Variants in ADAMTS9 observed in about 807,000 individuals in gnomAD.
The protein encoded by ADAMTS9 is ADAM metallopeptidase with thrombospondin type 1 motif 9, also known as A disintegrin and metalloproteinase with thrombospondin motifs 9.
Under a neutral mutation model 257.1 loss-of-function variants are expected in ADAMTS9, and 107 were observed. The ratio of observed to expected loss-of-function variants is 0.42; its 90% CI spans 0.36 to 0.49. The LOEUF is 0.49. ADAMTS9 is among the 20% of genes least tolerant of loss of function. The pLI, the probability that ADAMTS9 is intolerant of heterozygous loss-of-function variation, is 0.03. For missense variants in ADAMTS9, 2,353 were observed against 2,469.1 expected, an observed-to-expected ratio of 0.95 and a Z score of 1.00; for synonymous variants, 982 against 880.9, an observed-to-expected ratio of 1.11 and a Z score of -2.03.
In ADAMTS9 at chr3:64,687,757, A is replaced by G. The variant is rs2106639865; in HGVS notation, c.-100T>C. Reference sequence around the variant, plus strand: ...GGCAGCGGCCGTGGAGAGCGCGCGGAGCCCGGCGCCCGCCGCCAACTTTTG... The same window carrying G: ...GGCAGCGGCCGTGGAGAGCGCGCGGGGCCCGGCGCCCGCCGCCAACTTTTG... On this transcript the variant is annotated 5_prime_UTR_variant, in exon 1 of 40. Transcript: ENST00000498707. This position sits in a 1 kb window ranked among gnomAD's most constrained non-coding sequence, Gnocchi z 4.4. 1 of 935,998 alleles carries G rather than the reference A, an allele frequency of 1.1e-6. No homozygotes were observed. The highest frequency in any genetic ancestry group is 2.3e-5 in the South Asian group (1 of 43,788). The allele number at this position is 935,998 out of a possible 1,614,324, so 58.0% of individuals were successfully genotyped here.
chr3:64,659,971 A>G (rs996165074), intron 3 of ADAMTS9, among the ~76,000 whole-genome samples: 2 of 152,210 alleles, frequency 1.3e-5, no homozygotes, highest in African/African-American at 4.8e-5. Context: ...AAATTTTGAG[A>G]ATCACTAGTT....
intron 3 of ADAMTS9, among the ~76,000 whole-genome samples, chr3:64,680,817 A>T (rs557572361): frequency 6.6e-5 from 10 of 152,270 alleles, no homozygotes; most frequent in African/African-American, 1.7e-4. Context: ...CACCCAAATG[A>T]ACAGAAGATG....
At chr3:64,550,515 G>T in intron 31 of ADAMTS9, 1 of 188,946 alleles carries the variant, frequency 5.3e-6, no homozygotes, top group Non-Finnish European at 1.1e-5. Context: ...GTTTGTCACA[G>T]TTGCCATCTC....
chr3:64,629,513 CT>C (rs1461974459), intron 16 of ADAMTS9, among the ~76,000 whole-genome samples: 3 of 152,212 alleles, frequency 2.0e-5, no homozygotes, highest in Non-Finnish European at 2.9e-5. Context: ...CTGGAATGCT[CT>C]TCCCCTAAAT....
intron 23 of ADAMTS9, among the ~76,000 whole-genome samples, chr3:64,605,350 G>A (rs2084537858): frequency 6.6e-6 from 1 of 152,136 alleles, no homozygotes; most frequent in Admixed American, 6.5e-5. Flanking sequence ...ACATTTTCCA[G>A]GCATTCATCA....
chr3:64,642,974 G>A (rs1700692571), intron 11 of ADAMTS9, among the ~76,000 whole-genome samples: 1 of 152,284 alleles, frequency 6.6e-6, no homozygotes, highest in African/African-American at 2.4e-5. Flanking sequence ...CCCCACACAA[G>A]GCTTGGTAAA....
At chr3:64,684,085 G>A (rs139525398) in intron 2 of ADAMTS9, among the ~76,000 whole-genome samples, 1 of 152,258 alleles carries the variant, frequency 6.6e-6, no homozygotes, top group African/African-American at 2.4e-5. Context: ...TTGAGGGTGG[G>A]GTGCAGAGAA....
At chr3:64,685,997 G>A (rs1043246867) in intron 2 of ADAMTS9, among the ~76,000 whole-genome samples, 2 of 152,220 alleles carry the variant, frequency 1.3e-5, no homozygotes, top group Non-Finnish European at 1.5e-5. Context: ...TCCTGGGACG[G>A]GACCTGCTCC....
Position 64,658,678 on chromosome 3 carries a change from C to A in ADAMTS9, c.793G>T (p.Ala265Ser), listed in dbSNP as rs987545441. 1.2e-6 allele frequency: 2 copies of A among 1,613,918 alleles called. No homozygotes were observed. The highest frequency in any genetic ancestry group is 1.7e-6 in the Non-Finnish European group (2 of 1,180,010). Residue 265 changes from alanine to serine, a missense_variant, in exon 4 of 40, where the codon GCA becomes TCA. By Grantham distance (99) the Ala-to-Ser change is moderately conservative. Transcript: ENST00000498707. Reference protein sequence around the residue: ...AALNSGLATEAFSAYGNKTDN... With the variant: ...AALNSGLATESFSAYGNKTDN... The stretch of plus-strand genomic sequence containing the variant: ...GTCTTATTACCATAAGCAGAAAATG[C>A]CTCTGTTGCTAAGCCGCTGTTTAAT...
intron 3 of ADAMTS9, among the ~76,000 whole-genome samples, chr3:64,666,710 G>C (rs2106999625): frequency 6.6e-6 from 1 of 152,332 alleles, no homozygotes; most frequent in Non-Finnish European, 1.5e-5. Flanking sequence ...TGCCCTTAAA[G>C]CAGGGCATGA....
chr3:64,686,480 G>A lies in ADAMTS9; in HGVS notation c.516+88C>T. On this transcript the variant is annotated intron_variant, in intron 2 of 39. Coordinates refer to ENST00000498707, the MANE Select transcript of ADAMTS9 (RefSeq NM_182920.2). This position sits in a 1 kb window ranked among gnomAD's most constrained non-coding sequence, Gnocchi z 4.6. ...GAGAGGAGCGGAGCCTCGCCACAGT[G>A]AGGGTCTCTAGGCTTAGAGGACAAT... is the stretch of plus-strand genomic sequence containing the variant. The A allele has an allele frequency of 6.9e-7, 1 of 1,445,114 alleles. No individual in the cohort carries two copies. The highest frequency in any genetic ancestry group is 2.5e-5 in the East Asian group (1 of 40,222). 89.5% of individuals were successfully genotyped at this position (1,445,114 alleles called of 1,614,324 possible). A position where few individuals can be genotyped will look rare whatever the true frequency, so the allele number is the denominator to read the frequency against.
chr3:64,559,709 A>G (rs1464511880), intron 30 of ADAMTS9, among the ~76,000 whole-genome samples: 1 of 152,256 alleles, frequency 6.6e-6, no homozygotes, highest in Non-Finnish European at 1.5e-5. Flanking sequence ...ATGATCAGAG[A>G]AGAGGAATTT....
At chr3:64,554,777 T>A (rs7625144) in intron 30 of ADAMTS9, among the ~76,000 whole-genome samples, 99,697 of 152,040 alleles carry the variant, frequency 0.66, 36,996 homozygotes, top group Non-Finnish European at 0.85. Flanking sequence ...CATGTGCCTT[T>A]AAATATGCTG....
chr3:64,524,777 G>A (rs1465963402), intron 38 of ADAMTS9, among the ~76,000 whole-genome samples: 6 of 152,250 alleles, frequency 3.9e-5, no homozygotes, highest in East Asian at 1.9e-4. Context: ...AAAGACCTGC[G>A]CTCCATAGAG....
intron 16 of ADAMTS9, among the ~76,000 whole-genome samples, chr3:64,625,151 C>T (rs940310347): frequency 8.5e-5 from 13 of 152,168 alleles, no homozygotes; most frequent in Non-Finnish European, 1.6e-4. Flanking sequence ...TTTTCATCCC[C>T]GGTGCCAATG....
At chr3:64,543,293 A>G (rs1041572566) in intron 32 of ADAMTS9, among the ~76,000 whole-genome samples, 22 of 152,214 alleles carry the variant, frequency 1.4e-4, no homozygotes, top group Non-Finnish European at 2.9e-4. Flanking sequence ...CTGATACCAA[A>G]GCCTGGCAGA....
chr3:64,535,458 A>G (rs1362644260), intron 37 of ADAMTS9, among the ~76,000 whole-genome samples: 1 of 151,900 alleles, frequency 6.6e-6, no homozygotes, highest in Non-Finnish European at 1.5e-5. Flanking sequence ...TGCCATGCTC[A>G]GGTGTTTTTG....
At chr3:64,595,802 C>A (rs2106793402) in intron 27 of ADAMTS9, among the ~76,000 whole-genome samples, 1 of 152,218 alleles carries the variant, frequency 6.6e-6, no homozygotes, top group Admixed American at 6.5e-5. Flanking sequence ...TCTTTTTCCC[C>A]CCCTTGGCAC....
At chr3:64,606,931 A>G (rs1310772664) in intron 23 of ADAMTS9, 29 bp downstream of exon 23, 1 of 1,612,530 alleles carries the variant, frequency 6.2e-7, no homozygotes, top group Non-Finnish European at 8.5e-7. Context: ...CCCCAAAGTC[A>G]ATAACTGAGT....
Sources: gnomAD v4.1 joint callset for allele counts (sites outside exome capture counted in the v4.1 genomes callset) on GRCh38, gnomAD v4.1.1 for gene constraint, Gnocchi (gnomAD v3.1) non-coding constraint, MANE v1.5 for transcripts, NCBI Gene and HGNC (gene_info 2026-07-23, HGNC 2026-07-21) for gene names.